NHSL2: variants seen among roughly 807,000 people sequenced by gnomAD.
NHSL2 encodes the protein NHS like 2, also known as NHS-like protein 2.
In NHSL2, 27 loss-of-function variants were observed where a neutral mutation model predicts 53.4. That is an observed-to-expected ratio of 0.51 (90% CI 0.37 to 0.70). The LOEUF is 0.70. Ranked by LOEUF, NHSL2 falls within the 30% of genes least tolerant of loss-of-function variation. The pLI, the probability that NHSL2 is intolerant of heterozygous loss-of-function variation, is 0.00. For synonymous variants in NHSL2, 408 were observed against 404.1 expected, an observed-to-expected ratio of 1.01 and a Z score of -0.12; for missense variants, 892 against 980.1, an observed-to-expected ratio of 0.91 and a Z score of 1.20.
At chrX:72,066,112 C>G (rs59771771) in intron 1 of NHSL2, among the ~76,000 whole-genome samples, 1,249 of 111,183 alleles carry the variant, frequency 0.011, 20 homozygotes, top group African/African-American at 0.039. Context: ...ATCAGGGAGC[C>G]CACTGAAGAA....
chrX:72,038,621 G>A (rs914565256), intron 1 of NHSL2, among the ~76,000 whole-genome samples: 1 of 111,874 alleles, frequency 8.9e-6, no homozygotes, highest in Non-Finnish European at 1.9e-5. Flanking sequence ...CATGTTTTAA[G>A]CTGTATATAA....
intron 4 of NHSL2, among the ~76,000 whole-genome samples, chrX:72,136,074 T>G (rs998177051): frequency 9.0e-6 from 1 of 110,585 alleles, no homozygotes; most frequent in Non-Finnish European, 1.9e-5. Flanking sequence ...TCAATGAGGC[T>G]GTCCCTGAGC....
chrX:71,973,790 A>C (rs1176896406), intron 1 of NHSL2, among the ~76,000 whole-genome samples: 1 of 111,874 alleles, frequency 8.9e-6, no homozygotes, highest in Non-Finnish European at 1.9e-5. Context: ...GGGTGGGAGA[A>C]GGAAGCCCAG....
In NHSL2 at chrX:72,138,580, A is replaced by G; in HGVS notation, c.1032A>G (p.Val344=). 2 of 1,167,750 alleles carry G rather than the reference A, an allele frequency of 1.7e-6. No homozygotes were observed. Among genetic ancestry groups the G allele is most frequent in the Non-Finnish European group, 2.3e-6 (2 of 872,835 alleles). The change falls in exon 6 of 8, where the codon GTA becomes GTG. Residue 344 remains valine, a synonymous_variant. Transcript: ENST00000633930. The part of the protein sequence containing the change: ...DARFPSLTSP[V]LRTPSSEPDE... ...GGTTCCCAAGTCTCACCTCGCCAGTACTGAGAACTCCTTCCAGTGAGCCGG... is the reference window on the plus strand; with the variant it reads ...GGTTCCCAAGTCTCACCTCGCCAGTGCTGAGAACTCCTTCCAGTGAGCCGG...
At chrX:72,026,555 G>A (rs965080611) in intron 1 of NHSL2, among the ~76,000 whole-genome samples, 1 of 112,657 alleles carries the variant, frequency 8.9e-6, no homozygotes, top group Non-Finnish European at 1.9e-5. Context: ...TATGGGGAAG[G>A]CACCACAGCC....
At chrX:72,107,275 TTAAATAAA>T (rs940852512) in intron 1 of NHSL2, among the ~76,000 whole-genome samples, 4 of 110,168 alleles carry the variant, frequency 3.6e-5, no homozygotes, top group East Asian at 2.8e-4. Flanking sequence ...TACAAAAAAA[TTAAATAAA>T]TAAATAAATA....
chrX:71,964,132 G>A (rs1438785729), intron 1 of NHSL2, among the ~76,000 whole-genome samples: 1 of 98,678 alleles, frequency 1.0e-5, no homozygotes, highest in Non-Finnish European at 2.0e-5. Flanking sequence ...TGTTACATAG[G>A]TATACACATG....
intron 1 of NHSL2, among the ~76,000 whole-genome samples, chrX:71,948,926 G>A (rs2041807147): frequency 1.0e-5 from 1 of 99,109 alleles, no homozygotes; most frequent in Non-Finnish European, 2.0e-5. Context: ...ACTAATTTTT[G>A]TACTTTTTTT....
intron 3 of NHSL2, 129 bp from the exon 4 acceptor site, chrX:72,134,380 G>T: frequency 1.2e-6 from 1 of 835,700 alleles, no homozygotes; most frequent in Non-Finnish European, 1.7e-6. Flanking sequence ...TGCCTGGCCT[G>T]GTGGCCTGTC....
Position 71,977,896 on chromosome X carries a change from T to C in NHSL2, c.280+66529T>C, listed in dbSNP as rs143957591. Reference sequence around the variant, plus strand: ...ATACTCTTTTATCCCACCTCCCTTATTACATACTGCTTGCATTTGTACAGC... The same window carrying C: ...ATACTCTTTTATCCCACCTCCCTTACTACATACTGCTTGCATTTGTACAGC... On this transcript the variant is annotated intron_variant, in intron 1 of 7. Coordinates refer to ENST00000633930, the MANE Select transcript of NHSL2 (RefSeq NM_001013627.3). 6.9e-3 allele frequency among the ~76,000 whole-genome samples: 768 copies of C among 111,571 alleles called. 6 individuals carry two copies. Among genetic ancestry groups the C allele is most frequent in the African/African-American group, 0.024 (722 of 30,679 alleles).
At chrX:71,921,072 G>A (rs944615399) in intron 1 of NHSL2, among the ~76,000 whole-genome samples, 14 of 109,175 alleles carry the variant, frequency 1.3e-4, no homozygotes, top group African/African-American at 4.3e-4. Context: ...CAAAGTGCTG[G>A]GATTGCAGGC....
chrX:71,986,304 T>C (rs1372734857), intron 1 of NHSL2, among the ~76,000 whole-genome samples: 1 of 111,955 alleles, frequency 8.9e-6, no homozygotes, highest in Non-Finnish European at 1.9e-5. Flanking sequence ...TTAAGTCACT[T>C]GATATTATAA....
intron 1 of NHSL2, among the ~76,000 whole-genome samples, chrX:71,912,794 G>T (rs765012532): frequency 4.5e-5 from 5 of 111,828 alleles, no homozygotes; most frequent in African/African-American, 1.6e-4. Flanking sequence ...TCAGCTTGAG[G>T]AGTAGTTTTC....
Position 72,144,444 on chromosome X carries a change from T to G in NHSL2, c.*870T>G. Reference sequence around the variant, plus strand: ...GGATCTGCGCCCAGCTCATGCTGCATTCTAAGAACTCTCATTTCATTTGCA... The same window carrying G: ...GGATCTGCGCCCAGCTCATGCTGCAGTCTAAGAACTCTCATTTCATTTGCA... On this transcript the variant is annotated 3_prime_UTR_variant, in exon 8 of 8. Coordinates refer to ENST00000633930, the MANE Select transcript of NHSL2 (RefSeq NM_001013627.3). The G allele has an allele frequency of 1.2e-6, 1 of 841,844 alleles. No individual in the cohort carries two copies. Among genetic ancestry groups the G allele is most frequent in the South Asian group, 2.0e-5 (1 of 50,293 alleles). The allele number at this position is 841,844 out of a possible 1,213,427, so 69.4% of individuals were successfully genotyped here.
rs188474531 is a variant in NHSL2, at chrX:71,927,220, G to T, written c.280+15853G>T. Among the ~76,000 whole-genome samples, 5 of 112,353 alleles carry T rather than the reference G, an allele frequency of 4.5e-5. No homozygotes were observed. In the East Asian group the frequency reaches 1.4e-3, roughly 31 times the overall value. On this transcript the variant is annotated intron_variant, in intron 1 of 7. Coordinates refer to ENST00000633930, the MANE Select transcript of NHSL2 (RefSeq NM_001013627.3). ...CTCATTCACCATCTTGCTGACCATC[G>T]GGTTGGCAGCACAAATGTGCATATG...
Position 72,139,054 on chromosome X carries a change from C to T in NHSL2, c.1506C>T (p.Pro502=), listed in dbSNP as rs1569483960. 1.3e-5 allele frequency: 15 copies of T among 1,169,707 alleles called. No homozygotes were observed. The highest frequency in any genetic ancestry group is 1.7e-5 in the Non-Finnish European group (15 of 874,498). Residue 502 remains proline, a synonymous_variant, in exon 6 of 8, where the codon CCC becomes CCT. Transcript: ENST00000633930. The part of the protein sequence containing the change: ...SRFRERSLSV[P]TDSGTTDVDY... ...TCCGGGAGCGGTCACTGTCTGTGCC[C>T]ACAGACTCAGGCACCACAGATGTGG...
At chrX:72,029,761 G>A (rs988139699) in intron 1 of NHSL2, among the ~76,000 whole-genome samples, 5 of 112,678 alleles carry the variant, frequency 4.4e-5, no homozygotes, top group Non-Finnish European at 9.4e-5. Context: ...GGGAGGCGGA[G>A]AAAATGTCAG....
chrX:72,071,450 G>A (rs976305177), intron 1 of NHSL2, among the ~76,000 whole-genome samples: 1 of 112,119 alleles, frequency 8.9e-6, no homozygotes, highest in Admixed American at 9.4e-5. Flanking sequence ...TGGCTATTGT[G>A]TCATTTCTTA....
chrX:71,997,990 T>C (rs2042056863), intron 1 of NHSL2, among the ~76,000 whole-genome samples: 1 of 112,371 alleles, frequency 8.9e-6, no homozygotes, highest in South Asian at 3.7e-4. Context: ...GTGTTGCTCC[T>C]CCTTGTAAGG....
Sources: allele counts gnomAD v4.1 joint callset (sites outside exome capture counted in the v4.1 genomes callset), GRCh38; gene constraint gnomAD v4.1.1; transcripts MANE v1.5; gene names NCBI Gene and HGNC (gene_info 2026-07-23, HGNC 2026-07-21).